SLIT3: variants seen among roughly 807,000 people sequenced by gnomAD.
The protein encoded by SLIT3 is slit homolog 3 protein.
A neutral mutation model predicts 184.0 loss-of-function variants in SLIT3; 68 were observed. That is an observed-to-expected ratio of 0.37 (90% CI 0.30 to 0.45). The LOEUF is 0.45. SLIT3 is among the 20% of genes least tolerant of loss of function. The probability of loss-of-function intolerance (pLI) is 1.00; values close to 1 mark genes in which losing one functional copy is unlikely to be tolerated. For synonymous variants in SLIT3, 831 were observed against 828.6 expected, an observed-to-expected ratio of 1.00 and a Z score of -0.05; for missense variants, 1,707 against 2,026.0, an observed-to-expected ratio of 0.84 and a Z score of 3.02.
chr5:168,815,916 G>T (rs1202599887), intron 8 of SLIT3, among the ~76,000 whole-genome samples: 1 of 152,116 alleles, frequency 6.6e-6, no homozygotes, highest in Non-Finnish European at 1.5e-5. Context: ...AGCTCCCTGG[G>T]GTCCTTGTTT....
chr5:168,844,128 C>T (rs887860845), intron 6 of SLIT3, among the ~76,000 whole-genome samples: 162 of 152,200 alleles, frequency 1.1e-3, no homozygotes, highest in African/African-American at 3.7e-3. Flanking sequence ...AGGTCCCTTT[C>T]TGATTCAGGT....
At chr5:168,828,526 G>A (rs941378363) in intron 6 of SLIT3, among the ~76,000 whole-genome samples, 2 of 151,920 alleles carry the variant, frequency 1.3e-5, no homozygotes, top group Non-Finnish European at 2.9e-5. Flanking sequence ...TGGGTATGGT[G>A]GTGAGCAACG....
intron 4 of SLIT3, among the ~76,000 whole-genome samples, chr5:168,907,542 A>C (rs1315007660): frequency 2.0e-5 from 3 of 151,988 alleles, no homozygotes; most frequent in Non-Finnish European, 2.9e-5. Flanking sequence ...AATGACTTCC[A>C]TTTTCCTCTT....
At chr5:168,827,398 G>T (rs1245614763) in intron 6 of SLIT3, among the ~76,000 whole-genome samples, 5 of 152,146 alleles carry the variant, frequency 3.3e-5, no homozygotes, top group Non-Finnish European at 7.3e-5. Context: ...CTGCTTCATT[G>T]CGTCACTTCA....
intron 4 of SLIT3, among the ~76,000 whole-genome samples, chr5:169,025,711 C>T (rs952278539): frequency 6.6e-6 from 1 of 152,092 alleles, no homozygotes; most frequent in Non-Finnish European, 1.5e-5. Context: ...AATAATTAAA[C>T]AAATGGTTTA....
chr5:168,673,201 T>A lies in SLIT3; in HGVS notation c.3817A>T (p.Ile1273Phe), dbSNP rs745689251. 3.6e-5 allele frequency: 58 copies of A among 1,613,718 alleles called. No individual in the cohort carries two copies. In the Middle Eastern group the frequency reaches 9.9e-4, roughly 27 times the overall value. ...GKLQKQPAVG[I>F]NSPLYLGGIP... ...CCTCCAAGGTAGAGGGGGCTGTTGATGCCCACTGCTGGCTGCTTCTGGAGC... is the reference window on the plus strand; with the variant it reads ...CCTCCAAGGTAGAGGGGGCTGTTGAAGCCCACTGCTGGCTGCTTCTGGAGC... The change falls in exon 33 of 36, where the codon ATC (isoleucine) becomes TTC (phenylalanine). Residue 1273 changes from isoleucine to phenylalanine, a missense_variant. Coordinates refer to ENST00000519560, the MANE Select transcript of SLIT3 (RefSeq NM_003062.4).
At position 168,662,626 on chromosome 5, in the gene SLIT3, A is replaced by ACAG. The variant is rs1480902141; in HGVS notation, c.*3825_*3827dup. On this transcript the variant is annotated 3_prime_UTR_variant, in exon 36 of 36. Coordinates refer to ENST00000519560, the MANE Select transcript of SLIT3 (RefSeq NM_003062.4). ...AGCAACAACAACAGTAATAATAACA[A>ACAG]CAGCATCTTACATTTAAGGTTTTTA... The ACAG allele has an allele frequency of 2.0e-4, 30 of 152,368 alleles. No individual in the cohort carries two copies. The highest frequency in any genetic ancestry group is 7.2e-4 in the African/African-American group (30 of 41,578). The allele number at this position is 152,368 out of a possible 1,614,324, so 9.4% of individuals were successfully genotyped here. A position where few individuals can be genotyped will look rare whatever the true frequency, so the allele number is the denominator to read the frequency against.
intron 4 of SLIT3, among the ~76,000 whole-genome samples, chr5:168,954,044 G>A (rs1038637848): frequency 2.6e-5 from 4 of 152,078 alleles, no homozygotes; most frequent in Non-Finnish European, 5.9e-5. Flanking sequence ...TCTGCTGGGG[G>A]GAAACAAGTG....
intron 30 of SLIT3, 106 bp downstream of exon 30, chr5:168,686,873 C>T (rs1761759107): frequency 2.9e-6 from 4 of 1,394,768 alleles, no homozygotes; most frequent in South Asian, 1.3e-5. Flanking sequence ...ACCGGGGCTA[C>T]AGCCACCTGG....
intron 35 of SLIT3, among the ~76,000 whole-genome samples, chr5:168,668,126 A>G (rs1761115107): frequency 6.6e-6 from 1 of 152,254 alleles, no homozygotes; most frequent in African/African-American, 2.4e-5. Context: ...CTCAGTGTCC[A>G]TGCAGGAGAA....
At chr5:169,237,447 T>G (rs1328006464) in intron 3 of SLIT3, among the ~76,000 whole-genome samples, 1 of 152,232 alleles carries the variant, frequency 6.6e-6, no homozygotes, top group African/African-American at 2.4e-5. Context: ...AGATCTGGAT[T>G]GTATAAGACT....
intron 3 of SLIT3, among the ~76,000 whole-genome samples, 182 bp from the exon 4 acceptor site, chr5:169,193,732 G>A (rs1223059058): frequency 6.6e-6 from 1 of 152,186 alleles, no homozygotes; most frequent in African/African-American, 2.4e-5. Flanking sequence ...TTAGAGTCAG[G>A]TTGGGAATGC....
chr5:168,678,455 G>A (rs1415666323), intron 32 of SLIT3, among the ~76,000 whole-genome samples: 2 of 152,202 alleles, frequency 1.3e-5, no homozygotes, highest in East Asian at 1.9e-4. Context: ...AGGCCGAGGC[G>A]GGCGGATCAC....
At chr5:168,828,294 C>G (rs896603583) in intron 6 of SLIT3, among the ~76,000 whole-genome samples, 2 of 151,972 alleles carry the variant, frequency 1.3e-5, no homozygotes, top group Non-Finnish European at 2.9e-5. Context: ...GGTGAATCCA[C>G]CTTGGGTTGT....
chr5:168,986,445 C>T (rs1755135108), intron 4 of SLIT3, among the ~76,000 whole-genome samples: 1 of 152,116 alleles, frequency 6.6e-6, no homozygotes, highest in Non-Finnish European at 1.5e-5. Flanking sequence ...TGCTTTTCAG[C>T]TCACATTGGT....
At chr5:168,759,564 C>T (rs529250444) in intron 16 of SLIT3, among the ~76,000 whole-genome samples, 13 of 152,282 alleles carry the variant, frequency 8.5e-5, no homozygotes, top group Admixed American at 3.9e-4. Flanking sequence ...GCAAAACCCA[C>T]GGCACTGAAT....
intron 14 of SLIT3, 89 bp downstream of exon 14, chr5:168,772,692 C>T: frequency 6.9e-7 from 1 of 1,448,060 alleles, no homozygotes; most frequent in Non-Finnish European, 9.6e-7. Flanking sequence ...CATTACAGTG[C>T]TCGCTGTCCT....
intron 4 of SLIT3, among the ~76,000 whole-genome samples, chr5:169,040,167 A>G (rs1757400659): frequency 6.6e-6 from 1 of 152,200 alleles, no homozygotes; most frequent in Non-Finnish European, 1.5e-5. Context: ...TTTGGGACAG[A>G]GTATATCAAG....
At chr5:169,268,818 T>C in intron 1 of SLIT3, among the ~76,000 whole-genome samples, 1 of 152,302 alleles carries the variant, frequency 6.6e-6, no homozygotes, top group African/African-American at 2.4e-5. Context: ...TGGAAAACTA[T>C]AAAAATAACA....
Sources: gnomAD v4.1 joint callset for allele counts (sites outside exome capture counted in the v4.1 genomes callset) on GRCh38, gnomAD v4.1.1 for gene constraint, MANE v1.5 for transcripts, NCBI Gene and HGNC (gene_info 2026-07-23, HGNC 2026-07-21) for gene names.